Variants in ALDOA observed in about 807,000 individuals in gnomAD.
The protein encoded by ALDOA is fructose-bisphosphate aldolase A.
Under a neutral mutation model 43.9 loss-of-function variants are expected in ALDOA, and 26 were observed. That is an observed-to-expected ratio of 0.59 (90% CI 0.43 to 0.82). The LOEUF (loss-of-function observed/expected upper bound fraction) is 0.82. ALDOA is among the 40% of genes least tolerant of loss of function. The pLI is 0.00. For missense variants in ALDOA, 498 were observed against 549.5 expected, an observed-to-expected ratio of 0.91 and a Z score of 0.94; for synonymous variants, 258 against 222.6, an observed-to-expected ratio of 1.16 and a Z score of -1.42.
chr16:30,068,513 G>A (rs536049542), intron 4 of ALDOA, 133 bp from the exon 5 acceptor site: 61 of 1,004,328 alleles, frequency 6.1e-5, no homozygotes, highest in Non-Finnish European at 9.2e-5. Context: ...TGAGGCGGGA[G>A]GATCACTTGA....
intron 1 of ALDOA, 144 bp from the exon 2 acceptor site, chr16:30,066,741 T>C (rs3134621): frequency 1.1e-6 from 1 of 876,580 alleles, no homozygotes; most frequent in Non-Finnish European, 1.7e-6. Context: ...TGGGTTCTAA[T>C]CTCAGATCTG....
Position 30,068,803 on chromosome 16 carries a change from T to A in ALDOA, c.542-15T>A. 1 of 1,614,168 alleles carries A rather than the reference T, an allele frequency of 6.2e-7. No individual in the cohort carries two copies. Among genetic ancestry groups the A allele is most frequent in the South Asian group, 1.1e-5 (1 of 91,086 alleles). ...CCCCTCCCCACCGTGCTCTGACCCC[T>A]TCCTCTTCTCTTAGGGTTGGATGGG... On this transcript the variant is annotated splice_polypyrimidine_tract_variant and intron_variant, in intron 5 of 9. Coordinates refer to ENST00000642816, the MANE Select transcript of ALDOA (RefSeq NM_001243177.4).
At position 30,067,222 on chromosome 16, in the gene ALDOA, T is replaced by C; in HGVS notation, c.142-12T>C. On this transcript the variant is annotated splice_polypyrimidine_tract_variant and intron_variant, in intron 2 of 9. Coordinates refer to ENST00000642816, the MANE Select transcript of ALDOA (RefSeq NM_001243177.4). ...AGCTAACTAGTCCTTCCCCTCTGTT[T>C]CCTGTATCCAGGAACTTGCTACTAC... is the stretch of plus-strand genomic sequence containing the variant. 1 of 1,612,142 alleles carries C rather than the reference T, an allele frequency of 6.2e-7. No homozygotes were observed. The highest frequency in any genetic ancestry group is 2.2e-5 in the East Asian group (1 of 44,870).
chr16:30,066,430 C>G (rs567692693), intron 1 of ALDOA, among the ~76,000 whole-genome samples: 1 of 152,212 alleles, frequency 6.6e-6, no homozygotes, highest in South Asian at 2.1e-4. Flanking sequence ...TGCAGCCATG[C>G]GAAGCGACGG....
intron 4 of ALDOA, chr16:30,068,310 C>T: frequency 2.7e-6 from 1 of 363,638 alleles, no homozygotes; most frequent in Non-Finnish European, 5.4e-6. Flanking sequence ...GTGATCTGCC[C>T]ACCTCGGCCT....
At chr16:30,066,201 T>C (rs2072096372) in intron 1 of ALDOA, 1 of 152,250 alleles carries the variant, frequency 6.6e-6, no homozygotes, top group African/African-American at 2.4e-5. Context: ...GGCAAAGGAT[T>C]AGGGCCCCTT....
At position 30,067,494 on chromosome 16, in the gene ALDOA, G is replaced by T; in HGVS notation, c.319G>T (p.Glu107Ter). ...GCAGTCCATTGGCACCGAGAACACCGAGGAGAACCGGCGCTTCTACCGCCA... is the reference window on the plus strand; with the variant it reads ...GCAGTCCATTGGCACCGAGAACACCTAGGAGAACCGGCGCTTCTACCGCCA... ...RLQSIGTENT[E>*]ENRRFYRQLL... is the part of the protein sequence containing the mutation. The change falls in exon 4 of 10, where the codon GAG becomes TAG. Residue 107 changes from glutamate to a stop codon, truncating the protein, a stop_gained. Transcript: ENST00000642816. LOFTEE classifies it high-confidence loss of function. 1 of 1,613,614 alleles carries T rather than the reference G, an allele frequency of 6.2e-7. No homozygotes were observed. Among genetic ancestry groups the T allele is most frequent in the Non-Finnish European group, 8.5e-7 (1 of 1,180,022 alleles).
In ALDOA at chr16:30,070,336, G is replaced by A; in HGVS notation, c.*124G>A. ...GCGCTCTTTCTTCCCTCGTGACAGT[G>A]GTGTGTGGTGTCGTCTGTGAATGCT... is the stretch of plus-strand genomic sequence containing the variant. On this transcript the variant is annotated 3_prime_UTR_variant, in exon 10 of 10. Coordinates refer to ENST00000642816, the MANE Select transcript of ALDOA (RefSeq NM_001243177.4). 2 of 853,220 alleles carry A rather than the reference G, an allele frequency of 2.3e-6. No individual in the cohort carries two copies. Among genetic ancestry groups the A allele is most frequent in the Non-Finnish European group, 1.9e-6 (1 of 514,290 alleles). The allele number at this position is 853,220 out of a possible 1,614,324, so 52.9% of individuals were successfully genotyped here. A position where few individuals can be genotyped will look rare whatever the true frequency, so the allele number is the denominator to read the frequency against.
At chr16:30,069,038 T>C (rs758454547) in intron 6 of ALDOA, 60 bp downstream of exon 6, 45 of 1,610,376 alleles carry the variant, frequency 2.8e-5, no homozygotes, top group Middle Eastern at 1.6e-4. Flanking sequence ...GTGTTGTTAA[T>C]TTGCCTATTA....
intron 4 of ALDOA, chr16:30,068,410 G>A: frequency 1.7e-6 from 1 of 585,786 alleles, no homozygotes; most frequent in Non-Finnish European, 3.1e-6. Flanking sequence ...ATATTTGCCA[G>A]CCCTGAGATG....
intron 1 of ALDOA, among the ~76,000 whole-genome samples, chr16:30,066,523 C>T (rs1162845427): frequency 6.6e-6 from 1 of 152,240 alleles, no homozygotes; most frequent in Non-Finnish European, 1.5e-5. Flanking sequence ...TACCGCTTTC[C>T]TCGCCTCGGG....
At position 30,067,258 on chromosome 16, in the gene ALDOA, C is replaced by T; in HGVS notation, c.166C>T (p.Pro56Ser). The change falls in exon 3 of 10, where the codon CCC (proline) becomes TCC (serine). Residue 56 changes from proline to serine, a missense_variant. Physicochemically the swap from Pro to Ser is moderately conservative, Grantham distance 74 (BLOSUM62 -1). Transcript: ENST00000642816. ...GGAACTTGCTACTACCAGCACCATG[C>T]CCTACCAATATCCAGCACTGACCCC... ...GKELATTSTM[P>S]YQYPALTPEQ... is the part of the protein sequence containing the mutation. 6.2e-7 allele frequency: 1 copy of T among 1,612,340 alleles called. No individual in the cohort carries two copies. The highest frequency in any genetic ancestry group is 8.5e-7 in the Non-Finnish European group (1 of 1,180,026).
rs752431778 is a variant in ALDOA, at chr16:30,069,646, C to T, written c.934C>T (p.Arg312Cys). ...TGCCATGGCGACCGTCACAGCGCTG[C>T]GCCGCACAGTGCCCCCCGCTGTCAC... is the stretch of plus-strand genomic sequence containing the variant. ...EIAMATVTAL[R>C]RTVPPAVTGI... Residue 312 changes from arginine (R) to cysteine (C), a missense_variant, in exon 8 of 10, where the codon CGC becomes TGC. Coordinates refer to ENST00000642816, the MANE Select transcript of ALDOA (RefSeq NM_001243177.4). The T allele has an allele frequency of 3.1e-5, 50 of 1,613,754 alleles. No individual in the cohort carries two copies. The highest frequency in any genetic ancestry group is 5.0e-5 in the Admixed American group (3 of 60,016).
intron 4 of ALDOA, chr16:30,068,202 C>T (rs1480405024): frequency 3.1e-6 from 1 of 319,160 alleles, no homozygotes; most frequent in Admixed American, 4.5e-5. Flanking sequence ...GTAGCTGGGA[C>T]TACAGGCGCC....
upstream of ALDOA, chr16:30,064,419 C>T (rs1013012373): frequency 7.5e-6 from 3 of 398,594 alleles, no homozygotes; most frequent in Non-Finnish European, 1.3e-5. Context: ...CTTTCCTTCC[C>T]ACAGGTCCCT....
intron 4 of ALDOA, chr16:30,068,073 T>G (rs1311282969): frequency 4.2e-6 from 1 of 238,368 alleles, no homozygotes; most frequent in African/African-American, 2.4e-5. Context: ...TTTTTTTTTT[T>G]TTTTTTTTTG....
At chr16:30,065,025 C>G (rs1169134997), upstream of ALDOA, among the ~76,000 whole-genome samples, 6 of 152,256 alleles carry the variant, frequency 3.9e-5, no homozygotes, top group African/African-American at 1.4e-4. Flanking sequence ...CGGTGCATAG[C>G]CGCGCATTCT....
At chr16:30,069,229 G>C (rs920058176) in intron 6 of ALDOA, 77 bp from the exon 7 acceptor site, 1 of 1,523,600 alleles carries the variant, frequency 6.6e-7, no homozygotes, top group Admixed American at 1.7e-5. Context: ...ATACGGTCTT[G>C]ACCAGTGGCT....
rs776529531 is a variant in ALDOA, at chr16:30,066,943, C to T, written c.46C>T (p.Leu16=). ...AGGGTCCAGCTTCAACATGACCCAC[C>T]TGTCCATGGCTATGGCCTTTTCCTT... is the stretch of plus-strand genomic sequence containing the variant. ...PEGSSFNMTH[L]SMAMAFSFPP... is the part of the protein sequence containing the mutation. Residue 16 remains leucine (L), a synonymous_variant, in exon 2 of 10, where the codon CTG becomes TTG. Coordinates refer to ENST00000642816, the MANE Select transcript of ALDOA (RefSeq NM_001243177.4). 3.2e-6 allele frequency: 5 copies of T among 1,550,968 alleles called. No individual in the cohort carries two copies. Among genetic ancestry groups the T allele is most frequent in the African/African-American group, 1.4e-5 (1 of 73,068 alleles).
Sources: allele counts gnomAD v4.1 joint callset (sites outside exome capture counted in the v4.1 genomes callset), GRCh38; gene constraint gnomAD v4.1.1; transcripts MANE v1.5; gene names NCBI Gene and HGNC (gene_info 2026-07-23, HGNC 2026-07-21).